MAST2: variants seen among roughly 807,000 people sequenced by gnomAD.
MAST2 encodes microtubule associated serine/threonine kinase 2, also known as microtubule-associated serine/threonine-protein kinase 2.
A neutral mutation model predicts 147.4 loss-of-function variants in MAST2; 70 were observed. That is an observed-to-expected ratio of 0.47 (90% CI 0.39 to 0.58). MAST2 has a LOEUF of 0.58. MAST2 is among the 20% of genes least tolerant of loss of function. MAST2 has a pLI of 0.00. For missense variants in MAST2, 2,080 were observed against 2,302.3 expected, an observed-to-expected ratio of 0.90 and a Z score of 1.98; for synonymous variants, 869 against 896.8, an observed-to-expected ratio of 0.97 and a Z score of 0.55.
intron 4 of MAST2, among the ~76,000 whole-genome samples, chr1:45,908,841 T>G (rs1224483118): frequency 6.6e-6 from 1 of 152,188 alleles, no homozygotes; most frequent in Admixed American, 6.5e-5. Flanking sequence ...CCCAGGCAGC[T>G]GAGGAGGGAG....
intron 5 of MAST2, among the ~76,000 whole-genome samples, chr1:45,996,060 G>T (rs1179953299): frequency 6.6e-6 from 1 of 151,018 alleles, no homozygotes. Flanking sequence ...CAGCTCAGTG[G>T]TGCTGTTTAT....
At chr1:45,976,912 C>T (rs1477899263) in intron 5 of MAST2, among the ~76,000 whole-genome samples, 3 of 152,188 alleles carry the variant, frequency 2.0e-5, no homozygotes, top group African/African-American at 4.8e-5. Flanking sequence ...GGGAGGAAGA[C>T]GAACCCAGGA....
intron 4 of MAST2, among the ~76,000 whole-genome samples, chr1:45,920,451 A>G (rs969421849): frequency 6.6e-5 from 10 of 152,118 alleles, no homozygotes; most frequent in African/African-American, 2.4e-4. Flanking sequence ...CATGTTTCCC[A>G]TCGGTCCAGT....
At chr1:45,850,291 G>T (rs937984963) in intron 3 of MAST2, among the ~76,000 whole-genome samples, 2 of 151,924 alleles carry the variant, frequency 1.3e-5, no homozygotes, top group Non-Finnish European at 2.9e-5. Flanking sequence ...TTTGTGATGG[G>T]GTTGTTTTTT....
chr1:45,822,522 C>G (rs906510566), intron 1 of MAST2, among the ~76,000 whole-genome samples: 1 of 152,118 alleles, frequency 6.6e-6, no homozygotes, highest in Non-Finnish European at 1.5e-5. Flanking sequence ...TGGTACTGAT[C>G]AAATTCTTTC....
At chr1:45,958,092 G>C (rs1388072705) in intron 4 of MAST2, among the ~76,000 whole-genome samples, 1 of 152,226 alleles carries the variant, frequency 6.6e-6, no homozygotes, top group Non-Finnish European at 1.5e-5. Flanking sequence ...AGGTTAGAGA[G>C]TGGAAGGCAT....
At chr1:45,845,339 T>G (rs1645397775) in intron 3 of MAST2, among the ~76,000 whole-genome samples, 1 of 152,210 alleles carries the variant, frequency 6.6e-6, no homozygotes, top group South Asian at 2.1e-4. Context: ...TCCTTTTTCT[T>G]TTTTGAAATT....
intron 2 of MAST2, among the ~76,000 whole-genome samples, chr1:45,829,171 T>G (rs1285403544): frequency 6.6e-6 from 1 of 152,092 alleles, no homozygotes; most frequent in African/African-American, 2.4e-5. Context: ...GTTTGGGTGT[T>G]AGAGTGGGAG....
intron 4 of MAST2, among the ~76,000 whole-genome samples, chr1:45,912,647 T>G (rs1275149345): frequency 6.6e-6 from 1 of 152,254 alleles, no homozygotes; most frequent in Non-Finnish European, 1.5e-5. Flanking sequence ...CCCTCAGAGT[T>G]GGCAGAGCCG....
chr1:46,002,748 G>T, intron 6 of MAST2, 57 bp from the exon 7 acceptor site: 1 of 1,501,216 alleles, frequency 6.7e-7, no homozygotes, highest in Non-Finnish European at 9.3e-7. Flanking sequence ...AGACAGGCAG[G>T]TTGTGGGTCA....
In MAST2 at chr1:46,035,841, C is replaced by CTGG. The variant is rs1646883562; in HGVS notation, c.5173_5175dup (p.Trp1725dup). 1 of 1,614,002 alleles carries CTGG rather than the reference C, an allele frequency of 6.2e-7. No individual in the cohort carries two copies. Among genetic ancestry groups the CTGG allele is most frequent in the Non-Finnish European group, 8.5e-7 (1 of 1,180,046 alleles). ...CATCTTATGAGGATCCCAGCCAGGGCTGGCTATGGGAGTCTGAGTGTGCAC... is the reference window on the plus strand; with the variant it reads ...CATCTTATGAGGATCCCAGCCAGGGCTGGTGGCTATGGGAGTCTGAGTGTGCAC... On this transcript the variant is annotated inframe_insertion, in exon 29 of 29. Coordinates refer to ENST00000361297, the MANE Select transcript of MAST2 (RefSeq NM_015112.3). This position sits in a 1 kb window ranked among gnomAD's most constrained non-coding sequence, Gnocchi z 5.5.
intron 5 of MAST2, among the ~76,000 whole-genome samples, chr1:45,976,410 G>A (rs1644160784): frequency 1.3e-5 from 2 of 152,036 alleles, no homozygotes; most frequent in Non-Finnish European, 2.9e-5. Context: ...CAGCCTGGTC[G>A]ACATGATAAA....
intron 4 of MAST2, among the ~76,000 whole-genome samples, chr1:45,939,990 T>TTTTGTTTTTTTTGTTTTTTTTG (rs1557937994): frequency 1.1e-5 from 1 of 94,366 alleles, no homozygotes; most frequent in East Asian, 3.3e-4. Context: ...GTTTTTTTTT[T>TTTTGTTTTTTTTGTTTTTTTTG]TTTTTTTTTT....
intron 1 of MAST2, among the ~76,000 whole-genome samples, chr1:45,811,431 CG>C (rs1644295337): frequency 6.6e-6 from 1 of 151,428 alleles, no homozygotes; most frequent in South Asian, 2.1e-4. Context: ...CTCCGCCTCC[CG>C]GGTTCGCGCC....
intron 4 of MAST2, among the ~76,000 whole-genome samples, chr1:45,943,076 AT>A (rs1657538198): frequency 6.6e-6 from 1 of 152,224 alleles, no homozygotes; most frequent in African/African-American, 2.4e-5. Context: ...AAAAATTAAC[AT>A]GTATTAGGTA....
intron 4 of MAST2, among the ~76,000 whole-genome samples, chr1:45,919,818 A>AC (rs1275724299): frequency 3.4e-5 from 5 of 148,698 alleles, no homozygotes; most frequent in Non-Finnish European, 7.4e-5. Context: ...TCATAGACTT[A>AC]CTAACATGTG....
intron 4 of MAST2, among the ~76,000 whole-genome samples, chr1:45,920,353 T>C (rs1275522449): frequency 6.6e-6 from 1 of 152,208 alleles, no homozygotes. Context: ...TTCTCAACTC[T>C]GTCTTCTCAA....
chr1:45,910,882 T>C (rs962179847), intron 4 of MAST2, among the ~76,000 whole-genome samples: 3 of 152,180 alleles, frequency 2.0e-5, no homozygotes, highest in East Asian at 3.8e-4. Flanking sequence ...TTAAAGGACA[T>C]GGGAAGAAAT....
At chr1:45,870,939 A>C (rs1160931499) in intron 3 of MAST2, among the ~76,000 whole-genome samples, 1 of 152,048 alleles carries the variant, frequency 6.6e-6, no homozygotes, top group African/African-American at 2.4e-5. Context: ...AAAAAATTAA[A>C]ATAACAACAA....
Sources: gnomAD v4.1 joint callset for allele counts (sites outside exome capture counted in the v4.1 genomes callset) on GRCh38, gnomAD v4.1.1 for gene constraint, Gnocchi (gnomAD v3.1) non-coding constraint, MANE v1.5 for transcripts, NCBI Gene and HGNC (gene_info 2026-07-23, HGNC 2026-07-21) for gene names.